Variants in C3orf52 observed in about 807,000 individuals in gnomAD.
C3orf52 encodes chromosome 3 open reading frame 52, also known as TPA-induced transmembrane protein.
A neutral mutation model predicts 24.8 loss-of-function variants in C3orf52; 22 were observed. The observed-to-expected ratio is 0.89, with a 90% CI of 0.63 to 1.27. The LOEUF (loss-of-function observed/expected upper bound fraction) is 1.27, where lower values mean the gene tolerates loss of function less well. C3orf52 is among the 50% of genes most tolerant of loss of function. C3orf52 has a pLI of 0.00. For missense variants in C3orf52, 265 were observed against 260.7 expected, an observed-to-expected ratio of 1.02 and a Z score of -0.11; for synonymous variants, 93 against 100.2, an observed-to-expected ratio of 0.93 and a Z score of 0.43.
chr3:112,107,404 C>T (rs536803848), intron 3 of C3orf52, among the ~76,000 whole-genome samples: 19 of 152,298 alleles, frequency 1.2e-4, no homozygotes, highest in South Asian at 4.2e-4. Flanking sequence ...TCCTAGTTCC[C>T]GAGTTTTCTA....
intron 4 of C3orf52, among the ~76,000 whole-genome samples, chr3:112,124,407 G>A (rs1182174608): frequency 6.6e-6 from 1 of 152,056 alleles, no homozygotes; most frequent in African/African-American, 2.4e-5. Context: ...TCAGGAGTTC[G>A]AGACCAGCCT....
At chr3:112,127,284 T>C (rs2074348376) in intron 4 of C3orf52, among the ~76,000 whole-genome samples, 1 of 152,222 alleles carries the variant, frequency 6.6e-6, no homozygotes, top group Non-Finnish European at 1.5e-5. Context: ...AATTGATTTA[T>C]AGATGGGGAA....
exon 5 of C3orf52, chr3:112,128,459 C>A: frequency 2.9e-6 from 1 of 346,162 alleles, no homozygotes; most frequent in Non-Finnish European, 5.7e-6. Flanking sequence ...TTACTATATT[C>A]TGAATTTCTC....
chr3:112,123,679 C>G (rs1288246973), intron 4 of C3orf52: 1 of 1,614,190 alleles, frequency 6.2e-7, no homozygotes, highest in South Asian at 1.1e-5. Flanking sequence ...TCATAGTACT[C>G]TTCAGCAGAG....
chr3:112,112,792 T>A (rs1254295097), intron 4 of C3orf52, 172 bp from the exon 5 acceptor site: 1 of 704,276 alleles, frequency 1.4e-6, no homozygotes, highest in Admixed American at 2.1e-5. Context: ...GTGATGAATC[T>A]ATGGAAGAGG....
intron 2 of C3orf52, among the ~76,000 whole-genome samples, chr3:112,102,209 G>A (rs775700530): frequency 6.6e-6 from 1 of 152,130 alleles, no homozygotes; most frequent in Admixed American, 6.5e-5. Context: ...TGTTGTTTGA[G>A]TCGATGATGT....
At chr3:112,099,284 C>T (rs867013627) in intron 2 of C3orf52, among the ~76,000 whole-genome samples, 3 of 152,160 alleles carry the variant, frequency 2.0e-5, no homozygotes, top group Admixed American at 6.5e-5. Flanking sequence ...AATACACGCT[C>T]ACATTGGTGG....
downstream of C3orf52, chr3:112,135,350 G>A (rs1948404): frequency 0.27 from 40,988 of 152,308 alleles, 6,370 homozygotes; most frequent in Non-Finnish European, 0.36. Context: ...ATAAAACAAA[G>A]TGCAAAATAT....
At chr3:112,109,424 C>A in intron 3 of C3orf52, 119 bp from the exon 4 acceptor site, 1 of 522,368 alleles carries the variant, frequency 1.9e-6, no homozygotes, top group South Asian at 3.6e-5. Context: ...TTCCAGATAA[C>A]GTTGATTCCA....
intron 2 of C3orf52, among the ~76,000 whole-genome samples, chr3:112,098,365 A>G (rs1237287840): frequency 6.6e-6 from 1 of 152,170 alleles, no homozygotes; most frequent in Admixed American, 6.5e-5. Context: ...TGGCATCTGC[A>G]TTGTGGGTTC....
rs374018785 is a variant in C3orf52, at chr3:112,113,024, T to G, written c.528T>G (p.Asn176Lys). ...LQFGVPSDDE[N>K]FMKYMMSEEL... Reference sequence around the variant, plus strand: ...TTGGGGTTCCATCAGATGATGAAAATTTTATGAAGTATATGATGAGTGAGG... The same window carrying G: ...TTGGGGTTCCATCAGATGATGAAAAGTTTATGAAGTATATGATGAGTGAGG... Residue 176 changes from asparagine to lysine, a missense_variant, in exon 5 of 6, where the codon AAT becomes AAG. Transcript: ENST00000264848. 15 of 1,608,422 alleles carry G rather than the reference T, an allele frequency of 9.3e-6. No individual in the cohort carries two copies. Among genetic ancestry groups the G allele is most frequent in the Non-Finnish European group, 1.1e-5 (13 of 1,177,434 alleles).
chr3:112,104,656 C>A (rs957842456), intron 3 of C3orf52, among the ~76,000 whole-genome samples: 1 of 149,310 alleles, frequency 6.7e-6, no homozygotes, highest in Admixed American at 6.7e-5. Flanking sequence ...TTTTTATTTC[C>A]GTAGGTTTTG....
chr3:112,092,032 T>C (rs1201204629), intron 1 of C3orf52, among the ~76,000 whole-genome samples: 1 of 146,728 alleles, frequency 6.8e-6, no homozygotes, highest in Admixed American at 6.8e-5. Flanking sequence ...AAAAAAAGAA[T>C]GGGAGAGAAA....
At chr3:112,115,979 T>C (rs1250869726) in intron 5 of C3orf52, among the ~76,000 whole-genome samples, 1 of 152,186 alleles carries the variant, frequency 6.6e-6, no homozygotes, top group Non-Finnish European at 1.5e-5. Flanking sequence ...GGTCGAAGAA[T>C]AGGTCAGCAT....
At chr3:112,133,312 A>T, downstream of C3orf52, 1 of 601,176 alleles carries the variant, frequency 1.7e-6, no homozygotes, top group Non-Finnish European at 2.9e-6. Flanking sequence ...AGAGGCACGC[A>T]TGTGCAGAAT....
At chr3:112,135,712 T>G (rs1487362010), downstream of C3orf52, among the ~76,000 whole-genome samples, 1 of 152,202 alleles carries the variant, frequency 6.6e-6, no homozygotes, top group Non-Finnish European at 1.5e-5. Flanking sequence ...GCCTCCTTAT[T>G]ATATACCTAA....
downstream of C3orf52, among the ~76,000 whole-genome samples, chr3:112,118,793 G>A (rs1020478165): frequency 2.0e-5 from 3 of 152,196 alleles, no homozygotes; most frequent in African/African-American, 7.2e-5. Context: ...AAGGATTTGA[G>A]AAGAAAACTG....
intron 4 of C3orf52, chr3:112,123,668 C>T (rs769756753): frequency 6.2e-7 from 1 of 1,614,138 alleles, no homozygotes. Context: ...AGGGAACATT[C>T]TCATAGTACT....
chr3:112,113,708 T>C (rs1049801097), intron 5 of C3orf52, among the ~76,000 whole-genome samples: 10 of 152,192 alleles, frequency 6.6e-5, no homozygotes, highest in Admixed American at 6.5e-4. Context: ...CTTTTAAAAT[T>C]AAGAACAGAA....
Sources: allele counts gnomAD v4.1 joint callset (sites outside exome capture counted in the v4.1 genomes callset), GRCh38; gene constraint gnomAD v4.1.1; transcripts MANE v1.5; gene names NCBI Gene and HGNC (gene_info 2026-07-23, HGNC 2026-07-21).